Variants in ATP8B1 observed in about 807,000 individuals in gnomAD.
The protein encoded by ATP8B1 is phospholipid-transporting ATPase IC.
Under a neutral mutation model 149.9 loss-of-function variants are expected in ATP8B1, and 80 were observed. The ratio of observed to expected loss-of-function variants is 0.53; its 90% CI spans 0.45 to 0.64. The LOEUF (loss-of-function observed/expected upper bound fraction) is 0.64, where lower values mean the gene tolerates loss of function less well. Among genes scored for constraint, ATP8B1 ranks in the 30% least tolerant of loss-of-function variants. The probability of loss-of-function intolerance (pLI) is 0.00; values close to 1 mark genes in which losing one functional copy is unlikely to be tolerated. For synonymous variants in ATP8B1, 536 were observed against 562.8 expected (o/e 0.95, Z 0.67); for missense variants, 1,247 against 1,552.6 (o/e 0.80, Z 3.31).
chr18:57,762,644 T>C (rs545972571), intron 1 of ATP8B1, among the ~76,000 whole-genome samples: 1 of 152,192 alleles, frequency 6.6e-6, no homozygotes, highest in African/African-American at 2.4e-5. Flanking sequence ...GCTGCTTATA[T>C]CCCGTGATCC....
intron 1 of ATP8B1, among the ~76,000 whole-genome samples, chr18:57,745,171 C>A (rs897007981): frequency 6.6e-6 from 1 of 152,296 alleles, no homozygotes; most frequent in South Asian, 2.1e-4. Context: ...CTGATGGCCA[C>A]GCTTTATGTA....
rs550399897 is a variant in ATP8B1, at chr18:57,685,047, C to T, written c.1473+25G>A. Reference sequence around the variant, plus strand: ...ACCCTGACATCCCCAGCATCCCAAACGATTCTTCGGCTTAAAGGTCTTACC... The same window carrying T: ...ACCCTGACATCCCCAGCATCCCAAATGATTCTTCGGCTTAAAGGTCTTACC... On this transcript the variant is annotated intron_variant, in intron 14 of 27. Coordinates refer to ENST00000648908, the MANE Select transcript of ATP8B1 (RefSeq NM_001374385.1). 4.0e-4 allele frequency: 649 copies of T among 1,613,542 alleles called. 10 individuals are homozygous for T. The South Asian group carries it at 6.4e-3, about 16-fold the overall frequency.
Position 57,688,370 on chromosome 18 carries a change from G to C in ATP8B1, c.1358C>G (p.Ser453Cys), listed in dbSNP as rs1912361781. Residue 453 changes from serine to cysteine, a missense_variant, in exon 13 of 28, where the codon TCT (serine) becomes TGT (cysteine). By Grantham distance (112) the Ser-to-Cys change is moderately radical. This residue lies in a region of ATP8B1 where 853 missense variants were observed against 1,035.7 expected (regional missense o/e 0.82). Transcript: ENST00000648908. ...TTGTGTGAGTGTCCCCGTCTTATCA[G>C]AGAAGATATAATGGATCTGCCCGAG... ...EQLGQIHYIFSDKTGTLTQNI... is the reference protein window; with the variant it reads ...EQLGQIHYIFCDKTGTLTQNI... 6.2e-7 allele frequency: 1 copy of C among 1,614,060 alleles called. No individual in the cohort carries two copies. Among genetic ancestry groups the C allele is most frequent in the African/African-American group, 1.3e-5 (1 of 74,926 alleles).
chr18:57,766,662 C>T (rs1399154899), intron 1 of ATP8B1, among the ~76,000 whole-genome samples: 1 of 152,166 alleles, frequency 6.6e-6, no homozygotes, highest in Non-Finnish European at 1.5e-5. Flanking sequence ...GGCTGGGGTC[C>T]AAGACTCTTC....
chr18:57,657,496 C>A (rs538416920), intron 22 of ATP8B1, among the ~76,000 whole-genome samples: 35 of 152,278 alleles, frequency 2.3e-4, no homozygotes, highest in African/African-American at 7.7e-4. Context: ...AAAGAAGCTT[C>A]AAAAATCCTG....
intron 19 of ATP8B1, chr18:57,668,011 C>T (rs1360018759): frequency 1.6e-6 from 2 of 1,216,938 alleles, no homozygotes; most frequent in Non-Finnish European, 2.1e-6. Flanking sequence ...CTTAGGTATA[C>T]AATTTTATTG....
chr18:57,732,590 T>A (rs1272036330), intron 1 of ATP8B1, among the ~76,000 whole-genome samples: 2 of 151,782 alleles, frequency 1.3e-5, no homozygotes, highest in Non-Finnish European at 2.9e-5. Context: ...TGAGATAGAG[T>A]CTCCCTCTGT....
At chr18:57,700,025 GCCT>G (rs1913042515) in intron 6 of ATP8B1, among the ~76,000 whole-genome samples, 1 of 152,198 alleles carries the variant, frequency 6.6e-6, no homozygotes, top group African/African-American at 2.4e-5. Context: ...AGCACAGGGG[GCCT>G]CCTCAGAGGA....
intron 1 of ATP8B1, among the ~76,000 whole-genome samples, chr18:57,750,934 C>A (rs1166634965): frequency 6.6e-6 from 1 of 152,110 alleles, no homozygotes; most frequent in African/African-American, 2.4e-5. Flanking sequence ...GCCTGGCCAA[C>A]ATGGTGAAAC....
chr18:57,648,336 T>C lies in ATP8B1; in HGVS notation c.*152A>G. On this transcript the variant is annotated 3_prime_UTR_variant, in exon 28 of 28. Transcript: ENST00000648908. ...ATTTCTTGGCTCTGCTATTGTTTAA[T>C]AGTCCAACCCAAGGAGTTTGTTATA... 4.2e-6 allele frequency: 4 copies of C among 947,792 alleles called. No homozygotes were observed. The highest frequency in any genetic ancestry group is 4.2e-5 in the South Asian group (3 of 71,262). 58.7% of individuals were successfully genotyped at this position (947,792 alleles called of 1,614,324 possible). A position where few individuals can be genotyped will look rare whatever the true frequency, so the allele number is the denominator to read the frequency against.
chr18:57,755,487 C>G (rs1360472018), intron 1 of ATP8B1: 4 of 152,064 alleles, frequency 2.6e-5, no homozygotes, highest in South Asian at 2.1e-4. Flanking sequence ...ATTCATGAAG[C>G]ATTCCATTTG....
chr18:57,669,212 G>A, intron 18 of ATP8B1, 106 bp downstream of exon 18: 1 of 1,221,474 alleles, frequency 8.2e-7, no homozygotes, highest in South Asian at 1.6e-5. Context: ...AAATGCTGAA[G>A]TTACAATTAT....
chr18:57,796,050 C>T (rs998349443), intron 1 of ATP8B1, among the ~76,000 whole-genome samples: 1 of 152,084 alleles, frequency 6.6e-6, no homozygotes, highest in African/African-American at 2.4e-5. Flanking sequence ...TGCCTGTAAT[C>T]CCAGCTACTC....
In ATP8B1 at chr18:57,701,022, CT is replaced by C; in HGVS notation, c.554+16del. ...GCATTACATCCTTGAAACTCAGTTA[CT>C]AATTAGACACAGTACCTGCCATCCT... On this transcript the variant is annotated intron_variant, in intron 6 of 27. Transcript: ENST00000648908. The C allele has an allele frequency of 6.2e-7, 1 of 1,607,282 alleles. No individual in the cohort carries two copies. Among genetic ancestry groups the C allele is most frequent in the Non-Finnish European group, 8.5e-7 (1 of 1,173,818 alleles).
Position 57,688,295 on chromosome 18 carries a change from T to G in ATP8B1, c.1429+4A>C. On this transcript the variant is annotated splice_donor_region_variant and intron_variant, in intron 13 of 27. Coordinates refer to ENST00000648908, the MANE Select transcript of ATP8B1 (RefSeq NM_001374385.1). ...CCAGAAAATGAGTGACGGCTTCCAC[T>G]TACCATATATCTGCCCGTTGATACA... The G allele has an allele frequency of 6.2e-7, 1 of 1,613,724 alleles. No individual in the cohort carries two copies. Among genetic ancestry groups the G allele is most frequent in the Non-Finnish European group, 8.5e-7 (1 of 1,179,790 alleles).
intron 3 of ATP8B1, among the ~76,000 whole-genome samples, chr18:57,705,718 A>G (rs1446838413): frequency 6.6e-6 from 1 of 152,184 alleles, no homozygotes. Context: ...CCCTGCCAAC[A>G]CCAAGATTTC....
At chr18:57,688,169 G>T in intron 13 of ATP8B1, 130 bp downstream of exon 13, 2 of 999,196 alleles carry the variant, frequency 2.0e-6, no homozygotes, top group South Asian at 1.3e-5. Flanking sequence ...GCTGGAGAAT[G>T]GCCCTAGCAG....
chr18:57,704,524 C>G, intron 4 of ATP8B1, 31 bp downstream of exon 4: 1 of 1,393,176 alleles, frequency 7.2e-7, no homozygotes, highest in Non-Finnish European at 1.0e-6. Context: ...CACTATAATT[C>G]AAACAGATTT....
chr18:57,762,091 A>G (rs1316988876), intron 1 of ATP8B1, among the ~76,000 whole-genome samples: 2 of 151,474 alleles, frequency 1.3e-5, no homozygotes, highest in African/African-American at 4.9e-5. Flanking sequence ...ATTTGTTACA[A>G]CTGATGAGCC....
Sources: gnomAD v4.1 joint callset for allele counts (sites outside exome capture counted in the v4.1 genomes callset) on GRCh38, gnomAD v4.1.1 for gene constraint, gnomAD v4.1.1 regional missense constraint, MANE v1.5 for transcripts, NCBI Gene and HGNC (gene_info 2026-07-23, HGNC 2026-07-21) for gene names.